The following PTPRD variants were observed in gnomAD, a reference collection of about 807,000 sequenced individuals.
PTPRD encodes protein tyrosine phosphatase receptor type D, also known as receptor-type tyrosine-protein phosphatase delta.
A neutral mutation model predicts 214.5 loss-of-function variants in PTPRD; 34 were observed. The ratio of observed to expected loss-of-function variants is 0.16; its 90% CI spans 0.12 to 0.21. The LOEUF is 0.21. Among genes scored for constraint, PTPRD ranks in the 10% least tolerant of loss-of-function variants. The probability of loss-of-function intolerance (pLI) is 1.00; values close to 1 mark genes in which losing one functional copy is unlikely to be tolerated. For missense variants in PTPRD, 2,545 were observed against 2,398.7 expected (o/e 1.06, Z -1.27); for synonymous variants, 1,128 against 845.7 (o/e 1.33, Z -5.79).
rs148249112 is a variant in PTPRD at position 10,494,375 on chromosome 9, C to A, written c.-600+118023G>T. 6.3e-3 allele frequency among the ~76,000 whole-genome samples: 963 copies of A among 151,762 alleles called. 11 individuals are homozygous for A. Among genetic ancestry groups the A allele is most frequent in the African/African-American group, 0.022 (916 of 41,462 alleles). On this transcript the variant is annotated intron_variant, in intron 2 of 45. Transcript: ENST00000381196. ...TATATAAGATCATTTACTCTAATTT[C>A]TGTCAACACAATCATATCCACATCA...
In PTPRD at chr9:8,601,844, CA is replaced by C. The variant is rs2094886827; in HGVS notation, c.352+31472del. Among the ~76,000 whole-genome samples the C allele has an allele frequency of 2.0e-5, 3 of 152,136 alleles. No homozygotes were observed. In the South Asian group the frequency reaches 6.2e-4, roughly 32 times the overall value. ...AAAACCATACATTTATTAATTTAGT[CA>C]GTTAAGAAATATGTATCAAGCACCT... On this transcript the variant is annotated intron_variant, in intron 14 of 45. Transcript: ENST00000381196.
intron 2 of PTPRD, among the ~76,000 whole-genome samples, chr9:10,567,901 AATAAT>A (rs780473384): frequency 5.0e-4 from 76 of 151,436 alleles, no homozygotes; most frequent in Non-Finnish European, 6.0e-4. Context: ...TTTTTGTCTT[AATAAT>A]ATATCATTGT....
chr9:9,385,572 T>A (rs2063620681), intron 9 of PTPRD, among the ~76,000 whole-genome samples: 1 of 152,132 alleles, frequency 6.6e-6, no homozygotes, highest in Admixed American at 6.6e-5. Flanking sequence ...ATTTCATCCA[T>A]AAACCTTCTA....
rs75339927 is a variant in PTPRD at position 8,478,179 on chromosome 9, G to C, written c.3413+5940C>G. On this transcript the variant is annotated intron_variant, in intron 30 of 45. Coordinates refer to ENST00000381196, the MANE Select transcript of PTPRD (RefSeq NM_002839.4). ...TACCTACCTCACAGGGTTATTGTGA[G>C]TCTTAAATGAAACCTAATATCCTCA... 7.4e-3 allele frequency among the ~76,000 whole-genome samples: 1,132 copies of C among 152,268 alleles called. 16 individuals are homozygous for C. The highest frequency in any genetic ancestry group is 0.025 in the African/African-American group (1,054 of 41,538).
intron 3 of PTPRD, among the ~76,000 whole-genome samples, chr9:10,269,262 A>G (rs529631016): frequency 6.6e-6 from 1 of 152,230 alleles, no homozygotes; most frequent in East Asian, 1.9e-4. Flanking sequence ...GAATTAATCT[A>G]TTTGATCCAC....
chr9:9,571,709 A>G (rs567031513), intron 8 of PTPRD, among the ~76,000 whole-genome samples: 1 of 151,162 alleles, frequency 6.6e-6, no homozygotes, highest in East Asian at 1.9e-4. Flanking sequence ...TATAATGGGC[A>G]ATTCATAAAT....
chr9:10,325,415 C>A (rs2096625728), intron 3 of PTPRD, among the ~76,000 whole-genome samples: 3 of 151,962 alleles, frequency 2.0e-5, no homozygotes, highest in African/African-American at 7.2e-5. Context: ...CAAATACACA[C>A]TACTACAAAC....
intron 11 of PTPRD, among the ~76,000 whole-genome samples, chr9:8,788,054 G>A (rs1021482345): frequency 6.6e-6 from 1 of 152,076 alleles, no homozygotes; most frequent in African/African-American, 2.4e-5. Context: ...TTGTGAAAAT[G>A]TTCCATTACA....
chr9:10,327,830 C>T (rs920664279), intron 3 of PTPRD, among the ~76,000 whole-genome samples: 1 of 151,686 alleles, frequency 6.6e-6, no homozygotes, highest in Admixed American at 6.6e-5. Context: ...GAGAAGGTCT[C>T]CTGTCAGGGC....
At chr9:9,619,630 TATGTTA>T (rs2095116679) in intron 7 of PTPRD, among the ~76,000 whole-genome samples, 1 of 145,614 alleles carries the variant, frequency 6.9e-6, no homozygotes, top group African/African-American at 2.5e-5. Context: ...TAATAATCTA[TATGTTA>T]ATATTTATAT....
At position 9,031,681 on chromosome 9, in the gene PTPRD, T is replaced by C. The variant is rs536230857; in HGVS notation, c.-142-12946A>G. Among the ~76,000 whole-genome samples the C allele has an allele frequency of 5.9e-4, 90 of 152,176 alleles. 3 individuals are homozygous for C. Among genetic ancestry groups the C allele is most frequent in the South Asian group, 3.5e-3 (17 of 4,824 alleles). On this transcript the variant is annotated intron_variant, in intron 10 of 45. Coordinates refer to ENST00000381196, the MANE Select transcript of PTPRD (RefSeq NM_002839.4). ...AATTAATGAAAGTGTGAATTTCTTC[T>C]TGAAGGAGACTGTAGTGAAGACAAA... is the stretch of plus-strand genomic sequence containing the variant.
In PTPRD at chr9:10,093,458, C is replaced by G. The variant is rs138847089; in HGVS notation, c.-544-59668G>C. ...AAAGTCCAAAATTGATAGATCCTGG[C>G]ATGGCAGCAGAAAAACGGGAATGCT... On this transcript the variant is annotated intron_variant, in intron 3 of 45. Coordinates refer to ENST00000381196, the MANE Select transcript of PTPRD (RefSeq NM_002839.4). Among the ~76,000 whole-genome samples, 556 of 151,140 alleles carry G rather than the reference C, an allele frequency of 3.7e-3. 5 individuals are homozygous for G. Among genetic ancestry groups the G allele is most frequent in the African/African-American group, 8.9e-3 (370 of 41,396 alleles).
intron 2 of PTPRD, among the ~76,000 whole-genome samples, chr9:10,355,085 G>A (rs2097252620): frequency 6.6e-6 from 1 of 151,836 alleles, no homozygotes; most frequent in African/African-American, 2.4e-5. Context: ...TTTCTACTTT[G>A]GCAAATTTTA....
chr9:10,374,441 C>T (rs1436468379), intron 2 of PTPRD, among the ~76,000 whole-genome samples: 3 of 152,092 alleles, frequency 2.0e-5, no homozygotes, highest in African/African-American at 7.2e-5. Context: ...AAGGCTAATG[C>T]AAAAAGACAA....
chr9:9,251,973 T>C (rs1421094447), intron 9 of PTPRD, among the ~76,000 whole-genome samples: 1 of 152,110 alleles, frequency 6.6e-6, no homozygotes. Context: ...GACTTCCCTA[T>C]TGTCTTTACA....
intron 5 of PTPRD, among the ~76,000 whole-genome samples, chr9:9,839,169 G>C (rs1183167465): frequency 2.6e-5 from 4 of 152,090 alleles, no homozygotes; most frequent in African/African-American, 9.7e-5. Flanking sequence ...GGTTACTGTA[G>C]CCTTGTAGTA....
At chr9:8,582,752 T>A (rs565839251) in intron 14 of PTPRD, among the ~76,000 whole-genome samples, 1 of 152,208 alleles carries the variant, frequency 6.6e-6, no homozygotes, top group Admixed American at 6.5e-5. Context: ...GGCAAGGATA[T>A]GTAGAAGAGG....
chr9:8,927,376 A>C lies in PTPRD; in HGVS notation c.-104+91321T>G, dbSNP rs66858218. Among the ~76,000 whole-genome samples the C allele has an allele frequency of 5.7e-4, 86 of 151,936 alleles. 2 individuals carry two copies. The highest frequency in any genetic ancestry group is 5.1e-3 in the Admixed American group (78 of 15,250). On this transcript the variant is annotated intron_variant, in intron 11 of 45. Transcript: ENST00000381196. ...TCCTAATGCTATTCCCCAACATGAC[A>C]GGCCCTGGTGTGTGACGTTCCCCTC...
chr9:8,392,078 A>G (rs139393845), intron 36 of PTPRD, among the ~76,000 whole-genome samples: 2 of 152,190 alleles, frequency 1.3e-5, no homozygotes, highest in African/African-American at 2.4e-5. Flanking sequence ...TACTATCACT[A>G]AATGCTTTAA....
Sources: allele counts gnomAD v4.1 joint callset (sites outside exome capture counted in the v4.1 genomes callset), GRCh38; gene constraint gnomAD v4.1.1; transcripts MANE v1.5; gene names NCBI Gene and HGNC (gene_info 2026-07-23, HGNC 2026-07-21).